The following PANK1 variants were observed in gnomAD, a reference collection of about 807,000 sequenced individuals.
PANK1 encodes the protein pantothenic acid kinase 1.
In PANK1, 18 loss-of-function variants were observed where a neutral mutation model predicts 40.1. The observed-to-expected ratio is 0.45, with a 90% CI of 0.31 to 0.67. The LOEUF is 0.67. Among genes scored for constraint, PANK1 ranks in the 30% least tolerant of loss-of-function variants. The pLI is 0.06. For missense variants in PANK1, 457 were observed against 599.6 expected (o/e 0.76, Z 2.48); for synonymous variants, 242 against 237.7 (o/e 1.02, Z -0.17).
chr10:89,592,469 T>C (rs1844426022), intron 5 of PANK1, among the ~76,000 whole-genome samples: 1 of 152,210 alleles, frequency 6.6e-6, no homozygotes, highest in South Asian at 2.1e-4. Flanking sequence ...ATGTCACCTC[T>C]ATTAAAAGCT....
At chr10:89,618,062 T>C (rs1479067218) in intron 1 of PANK1, among the ~76,000 whole-genome samples, 1 of 152,054 alleles carries the variant, frequency 6.6e-6, no homozygotes, top group Non-Finnish European at 1.5e-5. Context: ...ATAAAAGATA[T>C]CTCTCAAGGG....
downstream of PANK1, chr10:89,582,349 C>T (rs1777886302): frequency 6.6e-6 from 1 of 152,144 alleles, no homozygotes; most frequent in Non-Finnish European, 1.5e-5. Context: ...TACAAGATCT[C>T]TTTTGTAAAA....
Position 89,593,853 on chromosome 10 carries a change from A to G in PANK1, c.1036T>C (p.Tyr346His). Residue 346 changes from tyrosine (Y) to histidine (H), a missense_variant, in exon 4 of 7, where the codon TAT (tyrosine) becomes CAT (histidine). Around this residue, in one of 4 missense-constraint regions of PANK1, gnomAD observed 286 missense variants for 415.8 expected, o/e 0.69. Coordinates refer to ENST00000307534, the MANE Select transcript of PANK1 (RefSeq NM_148977.3). ...KLVKDIYGGDYERFGLQGSAV... is the reference protein window; with the variant it reads ...KLVKDIYGGDHERFGLQGSAV... ...GATCCTTGAAGGCCAAATCGTTCAT[A>G]GTCTCCTCCGTAAATGTCCTTCACC... 6.2e-7 allele frequency: 1 copy of G among 1,613,984 alleles called. No individual in the cohort carries two copies. The highest frequency in any genetic ancestry group is 1.1e-5 in the South Asian group (1 of 91,074).
intron 1 of PANK1, among the ~76,000 whole-genome samples, chr10:89,630,175 G>T (rs558911484): frequency 6.6e-6 from 1 of 152,200 alleles, no homozygotes; most frequent in East Asian, 1.9e-4. Context: ...AATCTGATGT[G>T]GACAGATATA....
chr10:89,643,692 C>G, intron 1 of PANK1: 3 of 1,608,086 alleles, frequency 1.9e-6, no homozygotes, highest in Non-Finnish European at 2.6e-6. Context: ...ATTTACTGTA[C>G]TTACTTTGCT....
intron 6 of PANK1, 88 bp from the exon 7 acceptor site, chr10:89,584,553 T>C (rs1039020560): frequency 2.3e-6 from 2 of 854,440 alleles, no homozygotes; most frequent in African/African-American, 1.7e-5. Context: ...CTAATATCGA[T>C]AAAAGAGAAA....
chr10:89,602,353 G>A lies in PANK1; in HGVS notation c.646-2848C>T, dbSNP rs933621290. The stretch of plus-strand genomic sequence containing the variant: ...TCTTCTACACATTTCACTGAGGGGT[G>A]GATATCTCTGAAGCTTGAGGTCATG... On this transcript the variant is annotated intron_variant, in intron 2 of 6. Coordinates refer to ENST00000307534, the MANE Select transcript of PANK1 (RefSeq NM_148977.3). Among the ~76,000 whole-genome samples, 10 of 152,202 alleles carry A rather than the reference G, an allele frequency of 6.6e-5. 1 individual carries two copies. The highest frequency in any genetic ancestry group is 1.5e-5 in the Non-Finnish European group (1 of 68,038).
At chr10:89,596,808 T>C (rs746276373) in intron 3 of PANK1, among the ~76,000 whole-genome samples, 26 of 152,144 alleles carry the variant, frequency 1.7e-4, no homozygotes, top group Non-Finnish European at 2.5e-4. Context: ...TTAAAACAGA[T>C]TCCAAAATAA....
In PANK1 at chr10:89,644,610, C is replaced by T. The variant is rs779832763; in HGVS notation, c.282G>A (p.Lys94=). 2 of 1,589,814 alleles carry T rather than the reference C, an allele frequency of 1.3e-6. No individual in the cohort carries two copies. The highest frequency in any genetic ancestry group is 1.4e-5 in the African/African-American group (1 of 72,670). The change falls in exon 1 of 7, where the codon AAG becomes AAA. Residue 94 remains lysine (K), a synonymous_variant. Coordinates refer to ENST00000307534, the MANE Select transcript of PANK1 (RefSeq NM_148977.3). ...RLRRRMDSGR[K]NRPPFPWFGM... is the part of the protein sequence containing the mutation. ...CCCAGCGGGACTTACGCGGCCTGTT[C>T]TTTCTCCCCGAGTCCATCCTCCTCC...
chr10:89,613,982 A>G (rs1216361943), intron 1 of PANK1: 2 of 456,728 alleles, frequency 4.4e-6, no homozygotes, highest in Non-Finnish European at 8.8e-6. Flanking sequence ...TTGCATTAAA[A>G]TTATCTCGAA....
At chr10:89,593,760 G>A (rs774881673) in intron 4 of PANK1, 53 bp downstream of exon 4, 7 of 1,354,942 alleles carry the variant, frequency 5.2e-6, no homozygotes, top group African/African-American at 1.4e-5. Flanking sequence ...TGGCCAGGGT[G>A]GAGAGGCTGC....
At chr10:89,590,715 T>G (rs1049275409) in intron 5 of PANK1, among the ~76,000 whole-genome samples, 3 of 152,172 alleles carry the variant, frequency 2.0e-5, no homozygotes, top group African/African-American at 7.2e-5. Context: ...TATCTATATG[T>G]TAAAATGCTA....
Position 89,595,479 on chromosome 10 carries a change from T to C in PANK1, c.900-1490A>G, listed in dbSNP as rs138335502. The stretch of plus-strand genomic sequence containing the variant: ...CAAAAAATAATAAAATAAAATGAAA[T>C]AGTGAAACTATGTGTAATATTCTTA... On this transcript the variant is annotated intron_variant, in intron 3 of 6. Coordinates refer to ENST00000307534, the MANE Select transcript of PANK1 (RefSeq NM_148977.3). Among the ~76,000 whole-genome samples, 528 of 150,490 alleles carry C rather than the reference T, an allele frequency of 3.5e-3. 1 individual carries two copies. Among genetic ancestry groups the C allele is most frequent in the Non-Finnish European group, 5.0e-3 (341 of 67,620 alleles).
At chr10:89,599,094 A>G (rs1844697401) in intron 3 of PANK1, 158 bp downstream of exon 3, 2 of 649,118 alleles carry the variant, frequency 3.1e-6, no homozygotes, top group Non-Finnish European at 5.3e-6. Flanking sequence ...TAAATCACCC[A>G]CATACCACTT....
chr10:89,611,058 T>G (rs1273953828), intron 2 of PANK1, among the ~76,000 whole-genome samples: 6 of 152,338 alleles, frequency 3.9e-5, no homozygotes, highest in Admixed American at 3.9e-4. Context: ...ATTTGTTAAA[T>G]CTAAATGAGC....
intron 1 of PANK1, among the ~76,000 whole-genome samples, chr10:89,632,281 T>C (rs546284549): frequency 6.6e-6 from 1 of 152,182 alleles, no homozygotes; most frequent in East Asian, 1.9e-4. Context: ...ATTTGGGAAG[T>C]CCCTTTTTTG....
intron 2 of PANK1, among the ~76,000 whole-genome samples, chr10:89,602,091 G>A (rs985653283): frequency 3.9e-5 from 6 of 152,158 alleles, no homozygotes; most frequent in African/African-American, 1.4e-4. Flanking sequence ...AGCCAGTCTT[G>A]GAAGTATAGG....
chr10:89,627,806 C>A lies in PANK1; in HGVS notation c.293-15758G>T, dbSNP rs569197336. On this transcript the variant is annotated intron_variant, in intron 1 of 6. Transcript: ENST00000307534. ...CTATCACAAAGTCAAGTCTGACATT[C>A]CCTAGCCATCAAAGAAACTTATAAT... Among the ~76,000 whole-genome samples, 5 of 152,244 alleles carry A rather than the reference C, an allele frequency of 3.3e-5. No individual in the cohort carries two copies. In the East Asian group the frequency reaches 9.6e-4, roughly 29 times the overall value.
intron 6 of PANK1, among the ~76,000 whole-genome samples, chr10:89,585,165 G>A (rs1043258022): frequency 4.6e-5 from 7 of 152,134 alleles, no homozygotes; most frequent in African/African-American, 1.7e-4. Flanking sequence ...CTCACAGATA[G>A]CTGTCTTCAC....
Sources: gnomAD v4.1 joint callset for allele counts (sites outside exome capture counted in the v4.1 genomes callset) on GRCh38, gnomAD v4.1.1 for gene constraint, gnomAD v4.1.1 regional missense constraint, MANE v1.5 for transcripts, NCBI Gene and HGNC (gene_info 2026-07-23, HGNC 2026-07-21) for gene names.